FAM135A: variants seen among roughly 807,000 people sequenced by gnomAD.
The protein encoded by FAM135A is protein FAM135A.
FAM135A carries 79 observed loss-of-function variants against 146.8 expected under a neutral mutation model. The ratio of observed to expected loss-of-function variants is 0.54; its 90% CI spans 0.45 to 0.65. FAM135A has a LOEUF of 0.65. Among genes scored for constraint, FAM135A ranks in the 30% least tolerant of loss-of-function variants. FAM135A has a pLI of 0.00. For synonymous variants in FAM135A, 562 were observed against 603.6 expected (o/e 0.93, Z 1.01); for missense variants, 1,623 against 1,758.2 (o/e 0.92, Z 1.38).
intron 5 of FAM135A, among the ~76,000 whole-genome samples, chr6:70,455,921 G>A (rs894614855): frequency 7.2e-5 from 11 of 152,030 alleles, no homozygotes; most frequent in Admixed American, 3.3e-4. Context: ...GTGCGATCTC[G>A]GCTCACTGCA....
intron 20 of FAM135A, among the ~76,000 whole-genome samples, chr6:70,556,277 G>T (rs1281673224): frequency 1.3e-5 from 2 of 151,972 alleles, no homozygotes; most frequent in East Asian, 3.8e-4. Flanking sequence ...TTTAAAAAAA[G>T]AAAATATAAA....
intron 20 of FAM135A, among the ~76,000 whole-genome samples, chr6:70,542,128 G>A (rs935669507): frequency 1.3e-5 from 2 of 152,000 alleles, no homozygotes; most frequent in African/African-American, 4.8e-5. Context: ...AACCATATTG[G>A]TCTCATTTGA....
Position 70,415,139 on chromosome 6 carries a change from T to C in FAM135A, c.-219-152T>C, listed in dbSNP as rs187426066. Among the ~76,000 whole-genome samples the C allele has an allele frequency of 5.6e-3, 855 of 152,316 alleles. 2 individuals carry two copies. Among genetic ancestry groups the C allele is most frequent in the Non-Finnish European group, 8.2e-3 (555 of 68,002 alleles). On this transcript the variant is annotated intron_variant, in intron 1 of 21. Coordinates refer to ENST00000418814, the MANE Select transcript of FAM135A (RefSeq NM_001162529.3). ...ATTTTTTAATTGAGCAGAAGAACTT[T>C]CTAAACGGTTTTGTAATTTTTTTCC...
At chr6:70,415,099 C>T (rs1184463721) in intron 1 of FAM135A, among the ~76,000 whole-genome samples, 192 bp from the exon 2 acceptor site, 6 of 152,120 alleles carry the variant, frequency 3.9e-5, no homozygotes, top group Admixed American at 6.5e-5. Flanking sequence ...AGGAGACATA[C>T]GTGAGAAGTA....
chr6:70,417,673 A>G, intron 2 of FAM135A: 5 of 963,516 alleles, frequency 5.2e-6, no homozygotes, highest in Non-Finnish European at 6.2e-6. Flanking sequence ...AGTGTTAACT[A>G]TGACACTTGC....
intron 19 of FAM135A, 117 bp downstream of exon 19, chr6:70,536,528 T>C (rs2128419600): frequency 1.2e-6 from 1 of 802,500 alleles, no homozygotes; most frequent in Non-Finnish European, 1.7e-6. Flanking sequence ...TTTCGTGAAA[T>C]AAAAAATGTA....
In FAM135A at chr6:70,435,966, C is replaced by T. The variant is rs1298341851; in HGVS notation, c.77+7547C>T. On this transcript the variant is annotated intron_variant, in intron 4 of 21. Coordinates refer to ENST00000418814, the MANE Select transcript of FAM135A (RefSeq NM_001162529.3). ...TGGGAGGCCGAAGCAGGCTGATCAC[C>T]TGAGGTCAGGAGTTCGAGACCAACC... 2.6e-5 allele frequency among the ~76,000 whole-genome samples: 4 copies of T among 152,186 alleles called. No individual in the cohort carries two copies. The South Asian group carries it at 6.3e-4, about 24-fold the overall frequency.
intron 20 of FAM135A, among the ~76,000 whole-genome samples, chr6:70,544,251 C>T (rs1304527219): frequency 6.6e-6 from 1 of 151,934 alleles, no homozygotes; most frequent in Non-Finnish European, 1.5e-5. Flanking sequence ...TTAAGGCCAG[C>T]CTGGACACTG....
At chr6:70,439,313 A>T (rs1002235007) in intron 4 of FAM135A, among the ~76,000 whole-genome samples, 1 of 152,160 alleles carries the variant, frequency 6.6e-6, no homozygotes, top group African/African-American at 2.4e-5. Flanking sequence ...GTGTAAGGGG[A>T]GACTATTGTA....
chr6:70,472,503 A>C (rs1781813825), intron 5 of FAM135A, among the ~76,000 whole-genome samples: 1 of 152,168 alleles, frequency 6.6e-6, no homozygotes, highest in Non-Finnish European at 1.5e-5. Context: ...TTTTCTAAAG[A>C]ATATTCTCCT....
At chr6:70,528,506 A>T in intron 16 of FAM135A, 54 bp downstream of exon 16, 1 of 1,379,970 alleles carries the variant, frequency 7.2e-7, no homozygotes, top group Non-Finnish European at 9.5e-7. Flanking sequence ...TTTTTTCCTA[A>T]TAGATCTCAT....
chr6:70,497,906 G>A (rs1442863987), intron 11 of FAM135A, among the ~76,000 whole-genome samples: 2 of 152,160 alleles, frequency 1.3e-5, no homozygotes, highest in Non-Finnish European at 2.9e-5. Flanking sequence ...TCTCATTGAT[G>A]TTCATCAGAG....
Position 70,538,291 on chromosome 6 carries a change from G to A in FAM135A, c.4118G>A (p.Gly1373Asp). ...LYNSSALVNT[G>D]LWFMQKWKKS... ...TTCTATATCATATATGACTCTCTAGGTCTCTGGTTTATGCAGAAATGGAAA... is the reference window on the plus strand; with the variant it reads ...TTCTATATCATATATGACTCTCTAGATCTCTGGTTTATGCAGAAATGGAAA... Residue 1373 changes from glycine to aspartate, a missense_variant and splice_region_variant, in exon 20 of 22, where the codon GGT becomes GAT. Around this residue, in one of 7 missense-constraint regions of FAM135A, gnomAD observed 138 missense variants for 174.1 expected, o/e 0.79. Coordinates refer to ENST00000418814, the MANE Select transcript of FAM135A (RefSeq NM_001162529.3). 3 of 1,483,276 alleles carry A rather than the reference G, an allele frequency of 2.0e-6. No individual in the cohort carries two copies. Among genetic ancestry groups the A allele is most frequent in the Non-Finnish European group, 1.8e-6 (2 of 1,107,226 alleles). 91.9% of individuals were successfully genotyped at this position (1,483,276 alleles called of 1,614,324 possible).
chr6:70,438,374 G>A (rs1429224926), intron 4 of FAM135A, among the ~76,000 whole-genome samples: 1 of 152,130 alleles, frequency 6.6e-6, no homozygotes, highest in Non-Finnish European at 1.5e-5. Context: ...AACATTAAAT[G>A]GAAAATTCTA....
intron 2 of FAM135A, among the ~76,000 whole-genome samples, chr6:70,418,000 A>G (rs1767930714): frequency 3.9e-5 from 6 of 152,168 alleles, no homozygotes; most frequent in Admixed American, 3.9e-4. Context: ...CTCTCCACCA[A>G]AGAGAAAAAA....
rs938052408 is a variant in FAM135A at position 70,422,552 on chromosome 6, T to G, written c.-133-3887T>G. On this transcript the variant is annotated intron_variant, in intron 2 of 21. Coordinates refer to ENST00000418814, the MANE Select transcript of FAM135A (RefSeq NM_001162529.3). ...ACAAAAGAGGTAGATTAAAGGAAAT[T>G]AGGCAGCAACAATAGAACAAAAAGC... Among the ~76,000 whole-genome samples, 8 of 152,276 alleles carry G rather than the reference T, an allele frequency of 5.3e-5. No homozygotes were observed. The Middle Eastern group carries it at 0.014, about 259-fold the overall frequency.
At chr6:70,416,907 C>G (rs1767690182) in intron 2 of FAM135A, among the ~76,000 whole-genome samples, 1 of 152,114 alleles carries the variant, frequency 6.6e-6, no homozygotes, top group Non-Finnish European at 1.5e-5. Flanking sequence ...TGAAACAACT[C>G]CACAGTAGGT....
At chr6:70,523,008 T>G (rs919795087) in intron 13 of FAM135A, among the ~76,000 whole-genome samples, 1 of 152,192 alleles carries the variant, frequency 6.6e-6, no homozygotes, top group African/African-American at 2.4e-5. Context: ...ACAAATGCCT[T>G]CTATCTTTCC....
At chr6:70,497,830 G>C (rs1357824062) in intron 11 of FAM135A, among the ~76,000 whole-genome samples, 1 of 152,188 alleles carries the variant, frequency 6.6e-6, no homozygotes, top group Non-Finnish European at 1.5e-5. Context: ...AAGCCTACTT[G>C]ATCATGGTGG....
Sources: gnomAD v4.1 joint callset for allele counts (sites outside exome capture counted in the v4.1 genomes callset) on GRCh38, gnomAD v4.1.1 for gene constraint, gnomAD v4.1.1 regional missense constraint, MANE v1.5 for transcripts, NCBI Gene and HGNC (gene_info 2026-07-23, HGNC 2026-07-21) for gene names.